ARRDC4: variants seen among roughly 807,000 people sequenced by gnomAD.
The protein encoded by ARRDC4 is arrestin domain-containing protein 4.
ARRDC4 carries 40 observed loss-of-function variants against 44.6 expected under a neutral mutation model. The ratio of observed to expected loss-of-function variants is 0.90; its 90% CI spans 0.70 to 1.17. The LOEUF (loss-of-function observed/expected upper bound fraction) is 1.17, where lower values mean the gene tolerates loss of function less well. Ranked by LOEUF, ARRDC4 falls within the 50% of genes most tolerant of loss-of-function variation. ARRDC4 has a pLI of 0.00. For missense variants in ARRDC4, 550 were observed against 559.1 expected, an observed-to-expected ratio of 0.98 and a Z score of 0.16; for synonymous variants, 211 against 221.2, an observed-to-expected ratio of 0.95 and a Z score of 0.41.
chr15:97,965,779 C>T lies in ARRDC4; in HGVS notation c.374+113C>T, dbSNP rs1899408651. 6.7e-7 allele frequency: 1 copy of T among 1,492,608 alleles called. No individual in the cohort carries two copies. The highest frequency in any genetic ancestry group is 9.3e-7 in the Non-Finnish European group (1 of 1,077,086). The allele number at this position is 1,492,608 out of a possible 1,614,324, so 92.5% of individuals were successfully genotyped here. On this transcript the variant is annotated intron_variant, in intron 2 of 7. Transcript: ENST00000268042. The surrounding 1 kb of genome is among the most constrained non-coding windows in gnomAD (Gnocchi z 5.1). Reference sequence around the variant, plus strand: ...AGTATGCATGTTTACACTGAATAGTCCCTAAATAGACTTACTCTTTTTTTA... The same window carrying T: ...AGTATGCATGTTTACACTGAATAGTTCCTAAATAGACTTACTCTTTTTTTA...
chr15:97,964,009 G>T (rs565339663), intron 1 of ARRDC4, among the ~76,000 whole-genome samples: 1 of 152,216 alleles, frequency 6.6e-6, no homozygotes, highest in South Asian at 2.1e-4. Flanking sequence ...ATGATCTCAT[G>T]CCCCTGTGAC....
In ARRDC4 at chr15:97,965,017, C is replaced by CAT. The variant is rs1298619332; in HGVS notation, c.308-579_308-578dup. On this transcript the variant is annotated intron_variant, in intron 1 of 7. Transcript: ENST00000268042. This position sits in a 1 kb window ranked among gnomAD's most constrained non-coding sequence, Gnocchi z 5.1. ...TTACATACACACACACACACACACA[C>CAT]ATATACATATCCATATACACATATA... 1.3e-5 allele frequency among the ~76,000 whole-genome samples: 2 copies of CAT among 150,944 alleles called. No homozygotes were observed. The highest frequency in any genetic ancestry group is 2.9e-5 in the Non-Finnish European group (2 of 67,958).
intron 1 of ARRDC4, among the ~76,000 whole-genome samples, chr15:97,963,717 C>G (rs575839855): frequency 6.6e-6 from 1 of 152,210 alleles, no homozygotes; most frequent in Non-Finnish European, 1.5e-5. Context: ...TTTCCTCCCC[C>G]GGTCTCTTTG....
At position 97,970,153 on chromosome 15, in the gene ARRDC4, A is replaced by C; in HGVS notation, c.1045+108A>C. ...AGATGTTGATGAGTACTGCTACTAT[A>C]GGTATCTTTATTCCTACTACTAAAA... On this transcript the variant is annotated intron_variant, in intron 6 of 7. Coordinates refer to ENST00000268042, the MANE Select transcript of ARRDC4 (RefSeq NM_183376.3). The surrounding 1 kb of genome is among the most constrained non-coding windows in gnomAD (Gnocchi z 4.2). The C allele has an allele frequency of 8.5e-7, 1 of 1,170,202 alleles. No homozygotes were observed. The highest frequency in any genetic ancestry group is 1.2e-6 in the Non-Finnish European group (1 of 868,494). The allele number at this position is 1,170,202 out of a possible 1,614,324, so 72.5% of individuals were successfully genotyped here.
At position 97,967,020 on chromosome 15, in the gene ARRDC4, T is replaced by C. The variant is rs1033153993; in HGVS notation, c.522+978T>C. On this transcript the variant is annotated intron_variant, in intron 3 of 7. Coordinates refer to ENST00000268042, the MANE Select transcript of ARRDC4 (RefSeq NM_183376.3). This position sits in a 1 kb window ranked among gnomAD's most constrained non-coding sequence, Gnocchi z 5.0. ...TGTTCACCTTTAGATTATGAAAAGA[T>C]AGCAGATATGCTGTGGTTCCATGGC... is the stretch of plus-strand genomic sequence containing the variant. 6.6e-6 allele frequency among the ~76,000 whole-genome samples: 1 copy of C among 152,212 alleles called. No homozygotes were observed. The highest frequency in any genetic ancestry group is 2.4e-5 in the African/African-American group (1 of 41,464).
Position 97,967,615 on chromosome 15 carries a change from ATTT to A in ARRDC4, c.523-395_523-393del, listed in dbSNP as rs1899440091. On this transcript the variant is annotated intron_variant, in intron 3 of 7. Transcript: ENST00000268042. The surrounding 1 kb of genome is among the most constrained non-coding windows in gnomAD (Gnocchi z 5.0). ...CCAAAATAAATATAATGTTCTGATTATTTTTTATTTTTATATCATTTATCCTTC... is the reference window on the plus strand; with the variant it reads ...CCAAAATAAATATAATGTTCTGATTATTTATTTTTATATCATTTATCCTTC... Among the ~76,000 whole-genome samples the A allele has an allele frequency of 1.3e-5, 2 of 152,042 alleles. No individual in the cohort carries two copies. Among genetic ancestry groups the A allele is most frequent in the South Asian group, 4.1e-4 (2 of 4,828 alleles).
Position 97,967,901 on chromosome 15 carries a change from C to A in ARRDC4, c.523-113C>A. On this transcript the variant is annotated intron_variant, in intron 3 of 7. Coordinates refer to ENST00000268042, the MANE Select transcript of ARRDC4 (RefSeq NM_183376.3). The surrounding 1 kb of genome is among the most constrained non-coding windows in gnomAD (Gnocchi z 5.0). ...TACATGAGGATAAGAAAGTTTGATTCATTTTTTTGGTATTTCCTTACAACC... is the reference window on the plus strand; with the variant it reads ...TACATGAGGATAAGAAAGTTTGATTAATTTTTTTGGTATTTCCTTACAACC... The A allele has an allele frequency of 1.6e-6, 1 of 610,646 alleles. No homozygotes were observed. The highest frequency in any genetic ancestry group is 3.5e-5 in the South Asian group (1 of 28,778). The allele number at this position is 610,646 out of a possible 1,614,324, so 37.8% of individuals were successfully genotyped here.
intron 1 of ARRDC4, 21 bp downstream of exon 1, chr15:97,961,189 G>A: frequency 7.2e-7 from 1 of 1,384,976 alleles, no homozygotes; most frequent in South Asian, 1.6e-5. Context: ...GCGAGCGCCT[G>A]GGGTTCCCCC....
intron 4 of ARRDC4, 62 bp from the exon 5 acceptor site, chr15:97,969,061 C>G: frequency 6.4e-7 from 1 of 1,551,120 alleles, no homozygotes; most frequent in Non-Finnish European, 8.8e-7. Flanking sequence ...CGGCCCTAAT[C>G]CATTGTGGTG....
chr15:97,969,852 T>C, intron 5 of ARRDC4, 31 bp from the exon 6 acceptor site: 1 of 1,501,808 alleles, frequency 6.7e-7, no homozygotes, highest in Non-Finnish European at 8.9e-7. Context: ...ATTTGTTCCT[T>C]TCTCTTTTTT....
intron 1 of ARRDC4, among the ~76,000 whole-genome samples, 171 bp downstream of exon 1, chr15:97,961,339 C>T (rs1434444086): frequency 6.6e-6 from 1 of 152,178 alleles, no homozygotes; most frequent in Non-Finnish European, 1.5e-5. Flanking sequence ...GTCCTGGGTG[C>T]GCAGCTCTTC....
At position 97,965,828 on chromosome 15, in the gene ARRDC4, C is replaced by T. The variant is rs1280079273; in HGVS notation, c.375-67C>T. The T allele has an allele frequency of 7.0e-6, 11 of 1,567,128 alleles. No individual in the cohort carries two copies. The Admixed American group carries it at 1.6e-4, about 23-fold the overall frequency. On this transcript the variant is annotated intron_variant, in intron 2 of 7. Coordinates refer to ENST00000268042, the MANE Select transcript of ARRDC4 (RefSeq NM_183376.3). The surrounding 1 kb of genome is among the most constrained non-coding windows in gnomAD (Gnocchi z 5.1). Reference sequence around the variant, plus strand: ...TATTTCCAACCTAAAACATTTTAAACCATGCTTTTTTTGGCTTTGTTTAAC... The same window carrying T: ...TATTTCCAACCTAAAACATTTTAAATCATGCTTTTTTTGGCTTTGTTTAAC...
In ARRDC4 at chr15:97,960,778, C is replaced by T. The variant is rs1435963025; in HGVS notation, c.-84C>T. The T allele has an allele frequency of 3.3e-6, 4 of 1,204,160 alleles. No homozygotes were observed. The East Asian group carries it at 1.3e-4, about 39-fold the overall frequency. The allele number at this position is 1,204,160 out of a possible 1,614,324, so 74.6% of individuals were successfully genotyped here. A position where few individuals can be genotyped will look rare whatever the true frequency, so the allele number is the denominator to read the frequency against. ...CGGCGGCCTTACCCTGCCGCGAGCG[C>T]CTGTGACAGCGGCGCCGCTGTGCTC... On this transcript the variant is annotated 5_prime_UTR_variant, in exon 1 of 8. Coordinates refer to ENST00000268042, the MANE Select transcript of ARRDC4 (RefSeq NM_183376.3).
chr15:97,962,815 TAC>T (rs1300409749), intron 1 of ARRDC4, among the ~76,000 whole-genome samples: 1 of 152,204 alleles, frequency 6.6e-6, no homozygotes, highest in East Asian at 1.9e-4. Flanking sequence ...TTAGCATCTT[TAC>T]ACAGTCTAGA....
rs553350045 is a variant in ARRDC4 at position 97,969,741 on chromosome 15, G to C, written c.883-142G>C. 4.0e-6 allele frequency: 3 copies of C among 749,514 alleles called. No individual in the cohort carries two copies. In the African/African-American group the frequency reaches 5.3e-5, roughly 13 times the overall value. The allele number at this position is 749,514 out of a possible 1,614,324, so 46.4% of individuals were successfully genotyped here. Reference sequence around the variant, plus strand: ...TGTACTCTTCATTTTGTTTAATCAAGACAATTGAGAATTGTGATGGGGGTG... The same window carrying C: ...TGTACTCTTCATTTTGTTTAATCAACACAATTGAGAATTGTGATGGGGGTG... On this transcript the variant is annotated intron_variant, in intron 5 of 7. Coordinates refer to ENST00000268042, the MANE Select transcript of ARRDC4 (RefSeq NM_183376.3).
chr15:97,963,422 A>AGTT (rs1441227082), intron 1 of ARRDC4, among the ~76,000 whole-genome samples: 1 of 152,160 alleles, frequency 6.6e-6, no homozygotes, highest in East Asian at 1.9e-4. Context: ...GTTTTGAGAT[A>AGTT]GTTGAAAGTC....
chr15:97,964,648 G>T (rs534859813), intron 1 of ARRDC4, among the ~76,000 whole-genome samples: 1 of 152,104 alleles, frequency 6.6e-6, no homozygotes, highest in African/African-American at 2.4e-5. Flanking sequence ...AAATGGAGCT[G>T]GTAACCCAAA....
rs1157454382 is a variant in ARRDC4 at position 97,966,945 on chromosome 15, G to A, written c.522+903G>A. On this transcript the variant is annotated intron_variant, in intron 3 of 7. Transcript: ENST00000268042. This position sits in a 1 kb window ranked among gnomAD's most constrained non-coding sequence, Gnocchi z 4.7. The stretch of plus-strand genomic sequence containing the variant: ...AAGACAAGGAAAAAGCTAGCAGTTA[G>A]AAGTTGTTGTTTAAGTCTTATTTTC... 2.0e-5 allele frequency among the ~76,000 whole-genome samples: 3 copies of A among 151,980 alleles called. No individual in the cohort carries two copies. Among genetic ancestry groups the A allele is most frequent in the African/African-American group, 7.2e-5 (3 of 41,438 alleles).
rs930118866 is a variant in ARRDC4, at chr15:97,971,245, C to T, written c.*58C>T. 9.4e-5 allele frequency: 144 copies of T among 1,536,062 alleles called. No individual in the cohort carries two copies. Among genetic ancestry groups the T allele is most frequent in the Non-Finnish European group, 1.3e-4 (139 of 1,110,824 alleles). On this transcript the variant is annotated 3_prime_UTR_variant, in exon 8 of 8. Coordinates refer to ENST00000268042, the MANE Select transcript of ARRDC4 (RefSeq NM_183376.3). ...AATTAGAATGTTGGTTCTTTTCCTT[C>T]TGCCTTTTTGGGAAAGAGACAGGAA...
Sources: gnomAD v4.1 joint callset for allele counts (sites outside exome capture counted in the v4.1 genomes callset) on GRCh38, gnomAD v4.1.1 for gene constraint, Gnocchi (gnomAD v3.1) non-coding constraint, MANE v1.5 for transcripts, NCBI Gene and HGNC (gene_info 2026-07-23, HGNC 2026-07-21) for gene names.